Variants in FOLH1 observed in about 807,000 individuals in gnomAD.
The protein encoded by FOLH1 is glutamate carboxypeptidase 2.
Under a neutral mutation model 93.9 loss-of-function variants are expected in FOLH1, and 54 were observed. The ratio of observed to expected loss-of-function variants is 0.57; its 90% CI spans 0.46 to 0.72. The LOEUF (loss-of-function observed/expected upper bound fraction) is 0.72, where lower values mean the gene tolerates loss of function less well. FOLH1 is among the 30% of genes least tolerant of loss of function. The pLI, the probability that FOLH1 is intolerant of heterozygous loss-of-function variation, is 0.00. For missense variants in FOLH1, 571 were observed against 892.5 expected, an observed-to-expected ratio of 0.64 and a Z score of 4.59; for synonymous variants, 249 against 303.6, an observed-to-expected ratio of 0.82 and a Z score of 1.87.
intron 7 of FOLH1, among the ~76,000 whole-genome samples, chr11:49,181,893 G>T (rs192140551): frequency 6.6e-6 from 1 of 151,912 alleles, no homozygotes; most frequent in East Asian, 1.9e-4. Context: ...CCTTGCCCTT[G>T]GTCAAAAAGT....
chr11:49,204,114 T>C (rs1863584688), intron 2 of FOLH1, among the ~76,000 whole-genome samples: 1 of 152,162 alleles, frequency 6.6e-6, no homozygotes, highest in African/African-American at 2.4e-5. Flanking sequence ...GGGTGCTCTT[T>C]TCCCAAGGGT....
chr11:49,183,261 A>G lies in FOLH1; in HGVS notation c.827-19T>C, dbSNP rs754457466. 1 of 1,587,902 alleles carries G rather than the reference A, an allele frequency of 6.3e-7. No homozygotes were observed. Among genetic ancestry groups the G allele is most frequent in the Non-Finnish European group, 8.6e-7 (1 of 1,165,110 alleles). ...GCATATTCTGAAAAAAAAAATTGCC[A>G]TATTTCCAGTAAAAACTCAGTTTCA... On this transcript the variant is annotated intron_variant, in intron 6 of 18. Transcript: ENST00000256999.
chr11:49,152,101 T>C lies in FOLH1; in HGVS notation c.1970+1745A>G, dbSNP rs1424468376. Among the ~76,000 whole-genome samples the C allele has an allele frequency of 2.0e-5, 3 of 152,182 alleles. No homozygotes were observed. The East Asian group carries it at 5.8e-4, about 29-fold the overall frequency. On this transcript the variant is annotated intron_variant, in intron 17 of 18. Transcript: ENST00000256999. ...ATTTTATTCTAAGTATCTTCTATTA[T>C]GTTGTATTTCTAATAATCCATTGTT...
chr11:49,206,045 A>C, intron 2 of FOLH1, 22 bp downstream of exon 2: 1 of 1,597,960 alleles, frequency 6.3e-7, no homozygotes, highest in Admixed American at 1.7e-5. Flanking sequence ...TTGTCCATAT[A>C]AACTTTCGAG....
In FOLH1 at chr11:49,165,197, G is replaced by A. The variant is rs182060389; in HGVS notation, c.1373-425C>T. Among the ~76,000 whole-genome samples the A allele has an allele frequency of 2.5e-4, 38 of 152,046 alleles. No individual in the cohort carries two copies. The East Asian group carries it at 7.4e-3, about 29-fold the overall frequency. The stretch of plus-strand genomic sequence containing the variant: ...TTTAGCCACTCTCTCTTTTAACCTT[G>A]GCTCTTGTTTCTCTATATTACTCAT... On this transcript the variant is annotated intron_variant, in intron 12 of 18. Transcript: ENST00000256999.
chr11:49,170,752 T>C (rs932892999), intron 11 of FOLH1, among the ~76,000 whole-genome samples: 4 of 152,230 alleles, frequency 2.6e-5, no homozygotes, highest in African/African-American at 9.6e-5. Context: ...AATAGCTTAA[T>C]TCCCTTTGAA....
At chr11:49,155,765 T>A (rs1279888652) in intron 15 of FOLH1, among the ~76,000 whole-genome samples, 2 of 133,684 alleles carry the variant, frequency 1.5e-5, no homozygotes, top group East Asian at 4.5e-4. Flanking sequence ...ATAAACTATG[T>A]ACCCAATTTA....
intron 13 of FOLH1, among the ~76,000 whole-genome samples, 184 bp from the exon 14 acceptor site, chr11:49,158,227 A>T (rs1341365351): frequency 6.6e-6 from 1 of 152,166 alleles, no homozygotes; most frequent in East Asian, 1.9e-4. Context: ...ATGTGATTAT[A>T]TATAGGTGAA....
chr11:49,204,030 CT>C (rs1184705053), intron 2 of FOLH1, among the ~76,000 whole-genome samples: 3 of 152,200 alleles, frequency 2.0e-5, no homozygotes, highest in Non-Finnish European at 4.4e-5. Context: ...ATAGTATAAT[CT>C]TCCAGGTACA....
intron 13 of FOLH1, 93 bp downstream of exon 13, chr11:49,164,612 A>T: frequency 1.2e-6 from 1 of 811,370 alleles, no homozygotes; most frequent in South Asian, 1.6e-5. Flanking sequence ...TGAAGACAAG[A>T]AGTTATAAAA....
chr11:49,191,319 C>A lies in FOLH1; in HGVS notation c.513+1474G>T, dbSNP rs12804560. Among the ~76,000 whole-genome samples, 18 of 152,196 alleles carry A rather than the reference C, an allele frequency of 1.2e-4. No homozygotes were observed. The East Asian group carries it at 2.3e-3, about 20-fold the overall frequency. Reference sequence around the variant, plus strand: ...TAGCCACTGCGCCTGGCCTGTAAAACGTTTTAAACACACATATGGACATAC... The same window carrying A: ...TAGCCACTGCGCCTGGCCTGTAAAAAGTTTTAAACACACATATGGACATAC... On this transcript the variant is annotated intron_variant, in intron 4 of 18. Coordinates refer to ENST00000256999, the MANE Select transcript of FOLH1 (RefSeq NM_004476.3).
At chr11:49,190,313 A>C (rs61886511) in intron 4 of FOLH1, among the ~76,000 whole-genome samples, 5,101 of 152,324 alleles carry the variant, frequency 0.033, 105 homozygotes, top group Non-Finnish European at 0.051. Flanking sequence ...AACAAGTGTG[A>C]CAGATATTCC....
At chr11:49,182,131 C>G (rs1197903712) in intron 7 of FOLH1, among the ~76,000 whole-genome samples, 1 of 151,884 alleles carries the variant, frequency 6.6e-6, no homozygotes, top group African/African-American at 2.4e-5. Context: ...GAGTTCGAGA[C>G]CAGCCTGATC....
intron 7 of FOLH1, among the ~76,000 whole-genome samples, chr11:49,177,490 A>T (rs1000360408): frequency 6.6e-6 from 1 of 152,152 alleles, no homozygotes; most frequent in Admixed American, 6.5e-5. Context: ...TAGTAAGCAG[A>T]TAATGGGGGC....
At chr11:49,186,800 T>G in intron 4 of FOLH1, 31 bp from the exon 5 acceptor site, 1 of 1,556,510 alleles carries the variant, frequency 6.4e-7, no homozygotes, top group Non-Finnish European at 8.7e-7. Flanking sequence ...TTAATATGAG[T>G]CAGATATAAA....
At chr11:49,206,219 A>G (rs1258374404) in intron 1 of FOLH1, 47 bp from the exon 2 acceptor site, 19 of 1,606,674 alleles carry the variant, frequency 1.2e-5, no homozygotes, top group Non-Finnish European at 1.6e-5. Flanking sequence ...GCCTATAGAT[A>G]GGACTTATTT....
Position 49,145,193 on chromosome 11 carries a change from C to T in FOLH1, c.*1563G>A, listed in dbSNP as rs1348487808. Among the ~76,000 whole-genome samples, 8 of 152,232 alleles carry T rather than the reference C, an allele frequency of 5.3e-5. No individual in the cohort carries two copies. In the South Asian group the frequency reaches 8.3e-4, roughly 16 times the overall value. On this transcript the variant is annotated 3_prime_UTR_variant, in exon 19 of 19. Transcript: ENST00000256999. ...GATTGTCTTCATAAATAGATCTGGG[C>T]CCATTAAATAGTTCTTCTTTGTCAC...
chr11:49,174,947 A>G lies in FOLH1; in HGVS notation c.1050T>C (p.Asn350=), dbSNP rs1270491822. The G allele has an allele frequency of 5.0e-6, 8 of 1,610,208 alleles. No individual in the cohort carries two copies. Among genetic ancestry groups the G allele is most frequent in the Non-Finnish European group, 6.8e-6 (8 of 1,178,030 alleles). The change falls in exon 9 of 19, where the codon AAT becomes AAC. Residue 350 remains asparagine, a synonymous_variant. Coordinates refer to ENST00000256999, the MANE Select transcript of FOLH1 (RefSeq NM_004476.3). ...QKVKMHIHST[N]EVTRIYNVIG... is the part of the protein sequence containing the mutation. ...TCACATTGTAAATTCTTGTCACTTC[A>G]TTGGTAGAGTGGATGTGCATCTTGA...
chr11:49,167,917 A>G (rs1333345027), intron 12 of FOLH1, among the ~76,000 whole-genome samples: 1 of 28,814 alleles, frequency 3.5e-5, no homozygotes, highest in Non-Finnish European at 6.2e-5. Context: ...AACACACACA[A>G]AAAAACCAGA....
Sources: gnomAD v4.1 joint callset for allele counts (sites outside exome capture counted in the v4.1 genomes callset) on GRCh38, gnomAD v4.1.1 for gene constraint, MANE v1.5 for transcripts, NCBI Gene and HGNC (gene_info 2026-07-23, HGNC 2026-07-21) for gene names.